Variants in MTMR10 observed in about 807,000 individuals in gnomAD.
MTMR10 encodes the protein myotubularin-related protein 10.
MTMR10 carries 56 observed loss-of-function variants against 88.1 expected under a neutral mutation model. The ratio of observed to expected loss-of-function variants is 0.64; its 90% CI spans 0.51 to 0.79. The LOEUF (loss-of-function observed/expected upper bound fraction) is 0.79. MTMR10 is among the 30% of genes least tolerant of loss of function. The pLI is 0.00. For synonymous variants in MTMR10, 380 were observed against 340.9 expected (o/e 1.11, Z -1.26); for missense variants, 883 against 924.7 (o/e 0.95, Z 0.58).
In MTMR10 at chr15:30,952,058, A is replaced by G; in HGVS notation, c.1137-20T>C. 1 of 1,603,754 alleles carries G rather than the reference A, an allele frequency of 6.2e-7. No individual in the cohort carries two copies. Among genetic ancestry groups the G allele is most frequent in the Non-Finnish European group, 8.5e-7 (1 of 1,171,332 alleles). On this transcript the variant is annotated intron_variant, in intron 11 of 15. Transcript: ENST00000435680. ...AATGCCCTGAAGAGAGAAAAGGAAA[A>G]GCAGTGTTAAAAATCAAATTTCCAC... is the stretch of plus-strand genomic sequence containing the variant.
intron 5 of MTMR10, among the ~76,000 whole-genome samples, chr15:30,973,592 C>T (rs2029886347): frequency 6.6e-6 from 1 of 152,124 alleles, no homozygotes; most frequent in Non-Finnish European, 1.5e-5. Flanking sequence ...TACTAAGATA[C>T]TGTTGCCCTA....
rs950580154 is a variant in MTMR10, at chr15:30,941,095, C to A, written c.*375G>T. ...TTTTATCAGATGCTCCTAAAAATGA[C>A]ACGAAACACAAATTTCCTAACTTTC... On this transcript the variant is annotated 3_prime_UTR_variant, in exon 16 of 16. Transcript: ENST00000435680. 3 of 1,225,600 alleles carry A rather than the reference C, an allele frequency of 2.4e-6. No individual in the cohort carries two copies. Among genetic ancestry groups the A allele is most frequent in the Non-Finnish European group, 3.1e-6 (3 of 961,910 alleles). The allele number at this position is 1,225,600 out of a possible 1,614,324, so 75.9% of individuals were successfully genotyped here. A position where few individuals can be genotyped will look rare whatever the true frequency, so the allele number is the denominator to read the frequency against.
chr15:30,988,905 G>A (rs1315616892), intron 2 of MTMR10, among the ~76,000 whole-genome samples: 1 of 147,744 alleles, frequency 6.8e-6, no homozygotes, highest in Admixed American at 6.9e-5. Context: ...CAGGAGAATC[G>A]CTTGAACCTG....
Position 30,939,460 on chromosome 15 carries a change from TG to T in MTMR10, c.*2009del. ...GCTTCACCCTGGCCCGACTGAAGGCTGTCATAGTTGTTTTTCATATTATGCA... is the reference window on the plus strand; with the variant it reads ...GCTTCACCCTGGCCCGACTGAAGGCTTCATAGTTGTTTTTCATATTATGCA... On this transcript the variant is annotated 3_prime_UTR_variant, in exon 16 of 16. Coordinates refer to ENST00000435680, the MANE Select transcript of MTMR10 (RefSeq NM_017762.3). 1 of 985,484 alleles carries T rather than the reference TG, an allele frequency of 1.0e-6. No individual in the cohort carries two copies. Among genetic ancestry groups the T allele is most frequent in the Non-Finnish European group, 1.2e-6 (1 of 829,938 alleles). 61.0% of individuals were successfully genotyped at this position (985,484 alleles called of 1,614,324 possible). A position where few individuals can be genotyped will look rare whatever the true frequency, so the allele number is the denominator to read the frequency against.
At chr15:30,967,238 T>C (rs2063483543) in intron 6 of MTMR10, among the ~76,000 whole-genome samples, 1 of 152,202 alleles carries the variant, frequency 6.6e-6, no homozygotes. Context: ...CACGGCTCTT[T>C]GTTTTTCTCT....
chr15:30,989,121 C>A (rs1479482224), intron 2 of MTMR10, among the ~76,000 whole-genome samples: 1 of 151,994 alleles, frequency 6.6e-6, no homozygotes, highest in African/African-American at 2.4e-5. Context: ...AGCCTAAGAA[C>A]CAGGCCTGTT....
intron 2 of MTMR10, among the ~76,000 whole-genome samples, chr15:30,982,370 G>C (rs2030639931): frequency 6.6e-6 from 1 of 152,170 alleles, no homozygotes; most frequent in Admixed American, 6.5e-5. Context: ...GCGGAAGCTG[G>C]CTGAAGAGTT....
rs796305948 is a variant in MTMR10 at position 30,967,879 on chromosome 15, CAT to C, written c.565+39_565+40del. On this transcript the variant is annotated intron_variant, in intron 6 of 15. Coordinates refer to ENST00000435680, the MANE Select transcript of MTMR10 (RefSeq NM_017762.3). ...GGTAAACATAAGAGTAAAATTTACACATGTAAAATTAGTCACAATATTTAATA... is the reference window on the plus strand; with the variant it reads ...GGTAAACATAAGAGTAAAATTTACACGTAAAATTAGTCACAATATTTAATA... The C allele has an allele frequency of 5.5e-6, 8 of 1,453,504 alleles. 1 individual carries two copies. In the African/African-American group the frequency reaches 1.1e-4, roughly 21 times the overall value. The allele number at this position is 1,453,504 out of a possible 1,614,324, so 90.0% of individuals were successfully genotyped here. A position where few individuals can be genotyped will look rare whatever the true frequency, so the allele number is the denominator to read the frequency against.
chr15:30,958,719 T>G, intron 9 of MTMR10, 144 bp downstream of exon 9: 1 of 767,804 alleles, frequency 1.3e-6, no homozygotes, highest in Admixed American at 2.7e-5. Context: ...TCACATTCTT[T>G]TCAAAATGGC....
At chr15:30,974,667 C>T (rs2029979814) in intron 4 of MTMR10, among the ~76,000 whole-genome samples, 1 of 151,990 alleles carries the variant, frequency 6.6e-6, no homozygotes. Flanking sequence ...TTGCATAAAA[C>T]CACCATCTAG....
intron 2 of MTMR10, among the ~76,000 whole-genome samples, chr15:30,979,166 A>G (rs2030376102): frequency 1.3e-5 from 2 of 152,226 alleles, no homozygotes; most frequent in South Asian, 2.1e-4. Flanking sequence ...GTGCCACCTT[A>G]GCAAACTCAT....
intron 11 of MTMR10, among the ~76,000 whole-genome samples, chr15:30,952,770 C>A (rs1478481321): frequency 6.6e-6 from 1 of 152,056 alleles, no homozygotes; most frequent in African/African-American, 2.4e-5. Context: ...CTGGCATGAG[C>A]TACCACAACC....
rs2063070479 is a variant in MTMR10 at position 30,941,961 on chromosome 15, C to T, written c.1843G>A (p.Asp615Asn). Reference sequence around the variant, plus strand: ...TGGCTGTCGGTTTGCTGAGCTGGATCTGGCTTTGGTTTTAATATCAATGAA... The same window carrying T: ...TGGCTGTCGGTTTGCTGAGCTGGATTTGGCTTTGGTTTTAATATCAATGAA... ...RNSLILKPKP[D>N]PAQQTDSQNS... is the part of the protein sequence containing the mutation. The change falls in exon 16 of 16, where the codon GAT (aspartate) becomes AAT (asparagine). Residue 615 changes from aspartate (D) to asparagine (N), a missense_variant. Coordinates refer to ENST00000435680, the MANE Select transcript of MTMR10 (RefSeq NM_017762.3). 1 of 1,613,988 alleles carries T rather than the reference C, an allele frequency of 6.2e-7. No homozygotes were observed. Among genetic ancestry groups the T allele is most frequent in the Non-Finnish European group, 8.5e-7 (1 of 1,179,900 alleles).
intron 15 of MTMR10, 22 bp from the exon 16 acceptor site, chr15:30,942,094 A>C (rs2063074384): frequency 6.3e-7 from 1 of 1,599,652 alleles, no homozygotes; most frequent in Admixed American, 1.7e-5. Context: ...AGATTTTATT[A>C]TGTTCCGGGG....
the MTMR10 span, among the ~76,000 whole-genome samples, chr15:30,926,099 A>G: frequency 1.3e-5 from 2 of 152,186 alleles, no homozygotes; most frequent in Non-Finnish European, 2.9e-5. Context: ...CCCCTTATCA[A>G]TGATAAGGAG....
the MTMR10 span, among the ~76,000 whole-genome samples, chr15:30,932,546 T>C: frequency 6.6e-6 from 1 of 151,952 alleles, no homozygotes; most frequent in Non-Finnish European, 1.5e-5. Flanking sequence ...GGCCTGGAGA[T>C]TTTGGGGGGA....
At chr15:30,924,984 C>T in the MTMR10 span, 1 of 804,542 alleles carries the variant, frequency 1.2e-6, no homozygotes, top group Non-Finnish European at 1.9e-6. Flanking sequence ...AAGGAAACAG[C>T]CTAAATCTCT....
At position 30,967,928 on chromosome 15, in the gene MTMR10, T is replaced by C. The variant is rs1056979512; in HGVS notation, c.557A>G (p.His186Arg). Residue 186 changes from histidine to arginine, a missense_variant, in exon 6 of 16, where the codon CAC (histidine) becomes CGC (arginine). Physicochemically the swap from His to Arg is conservative, Grantham distance 29 (BLOSUM62 0). Transcript: ENST00000435680. Reference sequence around the variant, plus strand: ...AATATTTTCATATTTACCTGAATTGTGGTATTTTTTCCCAACATATTCAAA... The same window carrying C: ...AATATTTTCATATTTACCTGAATTGCGGTATTTTTTCCCAACATATTCAAA... The part of the protein sequence containing the change: ...FAFEYVGKKY[H>R]NSANKINGIP... 2 of 1,549,538 alleles carry C rather than the reference T, an allele frequency of 1.3e-6. No individual in the cohort carries two copies. The highest frequency in any genetic ancestry group is 2.7e-5 in the African/African-American group (2 of 73,024).
At chr15:30,973,935 CAGT>C (rs1376658131) in intron 5 of MTMR10, among the ~76,000 whole-genome samples, 1 of 152,140 alleles carries the variant, frequency 6.6e-6, no homozygotes, top group Non-Finnish European at 1.5e-5. Flanking sequence ...GTCTAGCTTA[CAGT>C]TTGTTGGTAA....
Sources: allele counts gnomAD v4.1 joint callset (sites outside exome capture counted in the v4.1 genomes callset), GRCh38; gene constraint gnomAD v4.1.1; transcripts MANE v1.5; gene names NCBI Gene and HGNC (gene_info 2026-07-23, HGNC 2026-07-21).